The following MED27 variants were observed in gnomAD, a reference collection of about 807,000 sequenced individuals.
MED27 encodes mediator complex subunit 27, also known as mediator of RNA polymerase II transcription subunit 27.
Under a neutral mutation model 38.2 loss-of-function variants are expected in MED27, and 30 were observed. That is an observed-to-expected ratio of 0.79 (90% CI 0.59 to 1.07). The LOEUF (loss-of-function observed/expected upper bound fraction) is 1.07, where lower values mean the gene tolerates loss of function less well. MED27 is among the 50% of genes least tolerant of loss of function. The pLI is 0.00. For missense variants in MED27, 289 were observed against 397.5 expected (o/e 0.73, Z 2.32); for synonymous variants, 122 against 153.5 (o/e 0.79, Z 1.52).
intron 3 of MED27, 123 bp from the exon 4 acceptor site, chr9:131,939,597 G>A: frequency 1.9e-6 from 1 of 529,240 alleles, no homozygotes; most frequent in Non-Finnish European, 3.1e-6. Context: ...TTTTTAAGAA[G>A]GCAAATAGAA....
chr9:131,995,830 C>G (rs1832079433), intron 3 of MED27, among the ~76,000 whole-genome samples: 1 of 152,164 alleles, frequency 6.6e-6, no homozygotes, highest in Non-Finnish European at 1.5e-5. Context: ...GTACCATCCT[C>G]CAGGATGCAG....
chr9:132,059,630 A>G (rs554855098), intron 2 of MED27, among the ~76,000 whole-genome samples: 1 of 152,184 alleles, frequency 6.6e-6, no homozygotes, highest in African/African-American at 2.4e-5. Flanking sequence ...CCTTAAACAC[A>G]AGATCCATTA....
intron 3 of MED27, among the ~76,000 whole-genome samples, chr9:131,976,529 A>G (rs1038250573): frequency 1.3e-5 from 2 of 152,230 alleles, no homozygotes; most frequent in African/African-American, 4.8e-5. Context: ...TCCTGTAACC[A>G]AATGTGAAGA....
chr9:131,890,192 C>G (rs1839205617), intron 5 of MED27, among the ~76,000 whole-genome samples: 1 of 152,176 alleles, frequency 6.6e-6, no homozygotes, highest in Admixed American at 6.5e-5. Flanking sequence ...ATCAAATTGG[C>G]TAGGATGAGA....
intron 3 of MED27, among the ~76,000 whole-genome samples, chr9:131,967,442 A>G (rs1007776973): frequency 6.6e-6 from 1 of 151,928 alleles, no homozygotes; most frequent in Admixed American, 6.6e-5. Flanking sequence ...GGTTGCACTT[A>G]CGGCAGAGTC....
At chr9:132,022,762 C>T (rs994952296) in intron 2 of MED27, among the ~76,000 whole-genome samples, 5 of 152,278 alleles carry the variant, frequency 3.3e-5, no homozygotes, top group African/African-American at 1.2e-4. Flanking sequence ...AACTTATAAT[C>T]ATGGCAGAAG....
intron 3 of MED27, among the ~76,000 whole-genome samples, chr9:131,943,483 G>A (rs1056696682): frequency 2.6e-5 from 4 of 152,130 alleles, no homozygotes; most frequent in Non-Finnish European, 4.4e-5. Flanking sequence ...GCAGTGCGGC[G>A]CCCCACTTTG....
intron 2 of MED27, chr9:132,073,810 T>C: frequency 1.0e-5 from 15 of 1,464,200 alleles, no homozygotes; most frequent in South Asian, 8.5e-5. Flanking sequence ...TCTGGGCCCA[T>C]TTCCCAAGCC....
intron 6 of MED27, among the ~76,000 whole-genome samples, chr9:131,870,342 G>A (rs768583343): frequency 6.6e-6 from 1 of 152,198 alleles, no homozygotes; most frequent in East Asian, 1.9e-4. Flanking sequence ...TAAATGGGCC[G>A]ATGCAGGGAC....
chr9:132,039,264 G>A (rs537067172), intron 2 of MED27, among the ~76,000 whole-genome samples: 15 of 152,208 alleles, frequency 9.9e-5, no homozygotes, highest in Admixed American at 2.0e-4. Flanking sequence ...GCTATGTGTC[G>A]GGCACTCTGC....
rs141625887 is a variant in MED27, at chr9:131,879,357, C to T, written c.723+4701G>A. Among the ~76,000 whole-genome samples the T allele has an allele frequency of 1.3e-3, 194 of 152,350 alleles. 1 individual carries two copies. The highest frequency in any genetic ancestry group is 4.2e-3 in the African/African-American group (174 of 41,570). On this transcript the variant is annotated intron_variant, in intron 6 of 7. Transcript: ENST00000292035. The stretch of plus-strand genomic sequence containing the variant: ...CTGCTTTCCGAGTTCTGCTTTCCCT[C>T]GTTCTGGGCTGGCCACAGCTGCTTC...
rs189533133 is a variant in MED27 at position 131,931,003 on chromosome 9, T to C, written c.573+8378A>G. Among the ~76,000 whole-genome samples, 40 of 152,266 alleles carry C rather than the reference T, an allele frequency of 2.6e-4. No homozygotes were observed. The South Asian group carries it at 8.3e-3, about 32-fold the overall frequency. On this transcript the variant is annotated intron_variant, in intron 4 of 7. Transcript: ENST00000292035. ...GCTCATGCCTGTAATCCCAGCACTTTGGGAAGCCAAGGGGGCAGACTGCTT... is the reference window on the plus strand; with the variant it reads ...GCTCATGCCTGTAATCCCAGCACTTCGGGAAGCCAAGGGGGCAGACTGCTT...
chr9:132,077,423 T>C lies in MED27; in HGVS notation c.348+19A>G, dbSNP rs1564352097. On this transcript the variant is annotated intron_variant, in intron 2 of 7. Transcript: ENST00000292035. Reference sequence around the variant, plus strand: ...CTTGGTTTTCCATATATTAGCTCCGTTTATTACATCTCCCTTACCTTGTTT... The same window carrying C: ...CTTGGTTTTCCATATATTAGCTCCGCTTATTACATCTCCCTTACCTTGTTT... The C allele has an allele frequency of 1.2e-6, 2 of 1,610,020 alleles. No homozygotes were observed. Among genetic ancestry groups the C allele is most frequent in the African/African-American group, 2.7e-5 (2 of 74,738 alleles).
At chr9:131,863,903 C>A (rs183516497) in intron 6 of MED27, among the ~76,000 whole-genome samples, 1 of 152,276 alleles carries the variant, frequency 6.6e-6, no homozygotes, top group East Asian at 1.9e-4. Context: ...CCAGTGAAGG[C>A]ATCAGGTGAC....
chr9:132,033,123 T>C (rs1282220873), intron 2 of MED27, among the ~76,000 whole-genome samples: 1 of 152,222 alleles, frequency 6.6e-6, no homozygotes, highest in Non-Finnish European at 1.5e-5. Context: ...TAAGAACGCC[T>C]GTCATAGTCT....
rs116556499 is a variant in MED27, at chr9:131,888,521, C to T, written c.682-4422G>A. Among the ~76,000 whole-genome samples, 402 of 152,336 alleles carry T rather than the reference C, an allele frequency of 2.6e-3. 3 individuals carry two copies. The highest frequency in any genetic ancestry group is 9.2e-3 in the African/African-American group (383 of 41,568). On this transcript the variant is annotated intron_variant, in intron 5 of 7. Transcript: ENST00000292035. ...CCTGCTGCTGTGACAACCACTGCCA[C>T]TAAAATTCATGTAACAGCAAGTGAA...
At chr9:131,870,023 G>A (rs931400491) in intron 6 of MED27, among the ~76,000 whole-genome samples, 2 of 152,160 alleles carry the variant, frequency 1.3e-5, no homozygotes, top group African/African-American at 4.8e-5. Flanking sequence ...GCCAGTCAAC[G>A]TGCTGGAAAA....
chr9:131,880,284 G>C (rs1262690894), intron 6 of MED27, among the ~76,000 whole-genome samples: 1 of 151,972 alleles, frequency 6.6e-6, no homozygotes, highest in Non-Finnish European at 1.5e-5. Context: ...GCTTAATTCT[G>C]TACATTATTT....
At chr9:131,941,243 C>T (rs546122853) in intron 3 of MED27, among the ~76,000 whole-genome samples, 2 of 152,048 alleles carry the variant, frequency 1.3e-5, no homozygotes, top group East Asian at 1.9e-4. Flanking sequence ...CCATTGGCTA[C>T]GACAAATTAA....
Sources: gnomAD v4.1 joint callset for allele counts (sites outside exome capture counted in the v4.1 genomes callset) on GRCh38, gnomAD v4.1.1 for gene constraint, MANE v1.5 for transcripts, NCBI Gene and HGNC (gene_info 2026-07-23, HGNC 2026-07-21) for gene names.